The following ACSF2 variants were observed in gnomAD, a reference collection of about 807,000 sequenced individuals.
The protein encoded by ACSF2 is acyl-CoA synthetase family member 2, also known as medium-chain acyl-CoA ligase ACSF2, mitochondrial.
ACSF2 carries 52 observed loss-of-function variants against 79.3 expected under a neutral mutation model. The ratio of observed to expected loss-of-function variants is 0.66; its 90% CI spans 0.53 to 0.83. ACSF2 has a LOEUF of 0.83. Ranked by LOEUF, ACSF2 falls within the 40% of genes least tolerant of loss-of-function variation. ACSF2 has a pLI of 0.00. For synonymous variants in ACSF2, 283 were observed against 312.6 expected, an observed-to-expected ratio of 0.91 and a Z score of 1.00; for missense variants, 661 against 803.3, an observed-to-expected ratio of 0.82 and a Z score of 2.14.
At position 50,426,396 on chromosome 17, in the gene ACSF2, G is replaced by T; in HGVS notation, c.128+7G>T. The T allele has an allele frequency of 7.5e-7, 1 of 1,329,154 alleles. No homozygotes were observed. 82.3% of individuals were successfully genotyped at this position (1,329,154 alleles called of 1,614,324 possible). On this transcript the variant is annotated splice_region_variant and intron_variant, in intron 1 of 15. Transcript: ENST00000300441. ...AGGGTGTCCGCTTCCTCAGGTACTG[G>T]CCCCCCGCGGGAAGAGAGGGGGCGG...
At chr17:50,468,637 C>A in intron 10 of ACSF2, 4 of 1,614,238 alleles carry the variant, frequency 2.5e-6, no homozygotes, top group Non-Finnish European at 3.4e-6. Context: ...AGTTGTTGCG[C>A]TGTAGGTTGA....
intron 1 of ACSF2, among the ~76,000 whole-genome samples, chr17:50,451,910 C>A (rs1458801567): frequency 6.6e-6 from 1 of 152,148 alleles, no homozygotes; most frequent in Non-Finnish European, 1.5e-5. Flanking sequence ...ATTTTTAATT[C>A]ATTCATTTGG....
intron 1 of ACSF2, chr17:50,427,125 T>C: frequency 1.2e-6 from 1 of 828,336 alleles, no homozygotes; most frequent in Non-Finnish European, 1.9e-6. Context: ...GGGAGCCCTG[T>C]GCACTACTGA....
chr17:50,458,132 G>C (rs907121612), intron 1 of ACSF2, among the ~76,000 whole-genome samples: 1 of 152,152 alleles, frequency 6.6e-6, no homozygotes, highest in Non-Finnish European at 1.5e-5. Flanking sequence ...TCCCTGGAGG[G>C]ACAAGGGAGG....
Position 50,463,851 on chromosome 17 carries a change from C to G in ACSF2, c.1080C>G (p.Phe360Leu). The G allele has an allele frequency of 6.2e-7, 1 of 1,614,146 alleles. No individual in the cohort carries two copies. Among genetic ancestry groups the G allele is most frequent in the Non-Finnish European group, 8.5e-7 (1 of 1,180,022 alleles). ...TCCTGTATGGTACCCCCACGATGTTCGTGGACATTCTGAACCAGCCAGACT... is the reference window on the plus strand; with the variant it reads ...TCCTGTATGGTACCCCCACGATGTTGGTGGACATTCTGAACCAGCCAGACT... ...GTFLYGTPTM[F>L]VDILNQPDFS... Residue 360 changes from phenylalanine (F) to leucine (L), a missense_variant, in exon 9 of 16, where the codon TTC (phenylalanine) becomes TTG (leucine). Coordinates refer to ENST00000300441, the MANE Select transcript of ACSF2 (RefSeq NM_025149.6). This position sits in a 1 kb window ranked among gnomAD's most constrained non-coding sequence, Gnocchi z 4.6.
In ACSF2 at chr17:50,455,418, G is replaced by A. The variant is rs571632690; in HGVS notation, c.129-5259G>A. ...AGAGTGATCCTAGGAAGTGGGGATAGGAAGTAGAGAGAGTAAACAGGGAGT... is the reference window on the plus strand; with the variant it reads ...AGAGTGATCCTAGGAAGTGGGGATAAGAAGTAGAGAGAGTAAACAGGGAGT... On this transcript the variant is annotated intron_variant, in intron 1 of 15. Coordinates refer to ENST00000300441, the MANE Select transcript of ACSF2 (RefSeq NM_025149.6). 2.4e-4 allele frequency among the ~76,000 whole-genome samples: 37 copies of A among 152,282 alleles called. No individual in the cohort carries two copies. The East Asian group carries it at 5.2e-3, about 21-fold the overall frequency.
intron 10 of ACSF2, chr17:50,464,772 G>A (rs539784859): frequency 5.2e-5 from 17 of 329,874 alleles, no homozygotes; most frequent in South Asian, 3.1e-4. Context: ...ATTGACTTGG[G>A]GGGGGGGTCT....
chr17:50,449,971 T>A (rs1224436624), intron 1 of ACSF2, among the ~76,000 whole-genome samples: 1 of 152,172 alleles, frequency 6.6e-6, no homozygotes, highest in Non-Finnish European at 1.5e-5. Context: ...TTCAGTTTCT[T>A]CTTTCACTTA....
intron 1 of ACSF2, among the ~76,000 whole-genome samples, chr17:50,427,885 G>A (rs916731770): frequency 1.3e-5 from 2 of 152,110 alleles, no homozygotes; most frequent in African/African-American, 4.8e-5. Flanking sequence ...TGCTGTGTCA[G>A]GAGGAGACTC....
rs1031354549 is a variant in ACSF2 at position 50,445,633 on chromosome 17, C to CA, written c.129-15036dup. On this transcript the variant is annotated intron_variant, in intron 1 of 15. Transcript: ENST00000300441. Reference sequence around the variant, plus strand: ...AACATAGGGAGACACTCTGACTCTACAAAAAAAATTTTTTTTAATTATCTA... The same window carrying CA: ...AACATAGGGAGACACTCTGACTCTACAAAAAAAAATTTTTTTTAATTATCTA... 2.2e-3 allele frequency among the ~76,000 whole-genome samples: 341 copies of CA among 151,854 alleles called. 2 individuals are homozygous for CA. Among genetic ancestry groups the CA allele is most frequent in the African/African-American group, 7.8e-3 (322 of 41,420 alleles).
At chr17:50,445,880 A>G (rs907378337) in intron 1 of ACSF2, among the ~76,000 whole-genome samples, 1 of 152,136 alleles carries the variant, frequency 6.6e-6, no homozygotes, top group African/African-American at 2.4e-5. Context: ...CCATATTCTA[A>G]ATGAACAACT....
chr17:50,468,658 C>T, intron 10 of ACSF2: 2 of 1,614,220 alleles, frequency 1.2e-6, no homozygotes, highest in Non-Finnish European at 1.7e-6. Context: ...GCAGCTTGGT[C>T]TTCTCTGACA....
At chr17:50,460,645 G>A (rs549006469) in intron 1 of ACSF2, 32 bp from the exon 2 acceptor site, 8 of 1,586,584 alleles carry the variant, frequency 5.0e-6, no homozygotes, top group African/African-American at 2.7e-5. Context: ...ACTGATCTGG[G>A]ACAGTCAAAC....
intron 1 of ACSF2, among the ~76,000 whole-genome samples, chr17:50,440,502 T>A (rs1422730658): frequency 6.6e-6 from 1 of 152,238 alleles, no homozygotes; most frequent in Non-Finnish European, 1.5e-5. Context: ...ATGGCAGACC[T>A]GTTTGCCCAG....
At chr17:50,426,847 C>T in intron 1 of ACSF2, 1 of 1,511,210 alleles carries the variant, frequency 6.6e-7, no homozygotes, top group South Asian at 1.2e-5. Context: ...CAGCTGCTCA[C>T]TAACATGGCT....
chr17:50,460,953 G>T lies in ACSF2; in HGVS notation c.324+81G>T. 2.7e-6 allele frequency: 4 copies of T among 1,468,270 alleles called. No individual in the cohort carries two copies. In the South Asian group the frequency reaches 4.0e-5, roughly 15 times the overall value. The allele number at this position is 1,468,270 out of a possible 1,614,324, so 91.0% of individuals were successfully genotyped here. A position where few individuals can be genotyped will look rare whatever the true frequency, so the allele number is the denominator to read the frequency against. On this transcript the variant is annotated intron_variant, in intron 2 of 15. Transcript: ENST00000300441. ...TAGCTGGGCAGAACCAGGAGCGTGGGCACCTGGCTATGGGGCAATGTGCTA... is the reference window on the plus strand; with the variant it reads ...TAGCTGGGCAGAACCAGGAGCGTGGTCACCTGGCTATGGGGCAATGTGCTA...
chr17:50,448,458 C>T (rs976940539), intron 1 of ACSF2, among the ~76,000 whole-genome samples: 1 of 152,068 alleles, frequency 6.6e-6, no homozygotes, highest in African/African-American at 2.4e-5. Flanking sequence ...GAGGGGAGTA[C>T]ACTCCATGTT....
Position 50,447,810 on chromosome 17 carries a change from T to A in ACSF2, c.129-12867T>A, listed in dbSNP as rs542600083. Among the ~76,000 whole-genome samples, 9 of 152,320 alleles carry A rather than the reference T, an allele frequency of 5.9e-5. No homozygotes were observed. The South Asian group carries it at 1.4e-3, about 25-fold the overall frequency. On this transcript the variant is annotated intron_variant, in intron 1 of 15. Transcript: ENST00000300441. Reference sequence around the variant, plus strand: ...AAGCCTCTGTGGAAAGTAGTCTGACTGACGCTTGAGGCGTACCTTTATAGA... The same window carrying A: ...AAGCCTCTGTGGAAAGTAGTCTGACAGACGCTTGAGGCGTACCTTTATAGA...
rs542442336 is a variant in ACSF2 at position 50,445,968 on chromosome 17, G to A, written c.129-14709G>A. Among the ~76,000 whole-genome samples the A allele has an allele frequency of 2.0e-4, 31 of 152,344 alleles. 1 individual carries two copies. The highest frequency in any genetic ancestry group is 4.1e-4 in the South Asian group (2 of 4,832). ...CTGAAACAGGTTGGCAGGGCTAACA[G>A]TCACATTGTACCATGACTGTCCAGA... is the stretch of plus-strand genomic sequence containing the variant. On this transcript the variant is annotated intron_variant, in intron 1 of 15. Transcript: ENST00000300441.
Sources: allele counts gnomAD v4.1 joint callset (sites outside exome capture counted in the v4.1 genomes callset), GRCh38; gene constraint gnomAD v4.1.1; non-coding constraint Gnocchi (gnomAD v3.1); transcripts MANE v1.5; gene names NCBI Gene and HGNC (gene_info 2026-07-23, HGNC 2026-07-21).